Variants in PPP2R5E observed in about 807,000 individuals in gnomAD.
PPP2R5E encodes the protein protein phosphatase 2 regulatory subunit B'epsilon.
Under a neutral mutation model 65.3 loss-of-function variants are expected in PPP2R5E, and 4 were observed. The ratio of observed to expected loss-of-function variants is 0.06; its 90% confidence interval spans 0.03 to 0.14. The LOEUF (loss-of-function observed/expected upper bound fraction) is 0.14, where lower values mean the gene tolerates loss of function less well. Ranked by LOEUF, PPP2R5E falls within the 10% of genes least tolerant of loss-of-function variation. PPP2R5E has a pLI of 1.00. For synonymous variants in PPP2R5E, 183 were observed against 187.4 expected (o/e 0.98, Z 0.19); for missense variants, 274 against 556.1 (o/e 0.49, Z 5.10).
intron 2 of PPP2R5E, among the ~76,000 whole-genome samples, chr14:63,489,469 G>A (rs575203237): frequency 6.6e-6 from 1 of 150,774 alleles, no homozygotes; most frequent in Admixed American, 6.6e-5. Context: ...GAGTGCAGTG[G>A]CCCGATCATG....
intron 10 of PPP2R5E, among the ~76,000 whole-genome samples, chr14:63,390,295 G>A (rs1182435867): frequency 2.1e-5 from 3 of 140,094 alleles, no homozygotes; most frequent in Non-Finnish European, 4.7e-5. Context: ...ACGCATTCTC[G>A]ACACACACAC....
intron 2 of PPP2R5E, among the ~76,000 whole-genome samples, chr14:63,499,420 T>G (rs1891743512): frequency 6.6e-6 from 1 of 152,166 alleles, no homozygotes; most frequent in Non-Finnish European, 1.5e-5. Flanking sequence ...TATTTGGTAG[T>G]ATCTTGTTAT....
chr14:63,413,745 T>C (rs1340340428), intron 5 of PPP2R5E, among the ~76,000 whole-genome samples: 2 of 152,208 alleles, frequency 1.3e-5, no homozygotes, highest in Non-Finnish European at 2.9e-5. Context: ...GGCATAACAA[T>C]CCATACCAAT....
chr14:63,438,234 C>T lies in PPP2R5E; in HGVS notation c.354+15455G>A, dbSNP rs1888036825. Among the ~76,000 whole-genome samples, 3 of 152,208 alleles carry T rather than the reference C, an allele frequency of 2.0e-5. No homozygotes were observed. In the South Asian group the frequency reaches 6.2e-4, roughly 32 times the overall value. On this transcript the variant is annotated intron_variant, in intron 3 of 13. Coordinates refer to ENST00000337537, the MANE Select transcript of PPP2R5E (RefSeq NM_006246.5). ...TCTCAGCTTTTTCCTGCTCATCATG[C>T]ACCACTGTGGTGTAACCAGCTTCCT...
chr14:63,387,972 C>T (rs917451939), intron 11 of PPP2R5E, among the ~76,000 whole-genome samples: 9 of 152,218 alleles, frequency 5.9e-5, no homozygotes, highest in African/African-American at 1.7e-4. Flanking sequence ...TCATCCTGAT[C>T]TCAAACTTCT....
intron 3 of PPP2R5E, 50 bp from the exon 4 acceptor site, chr14:63,422,144 T>G: frequency 1.4e-6 from 2 of 1,476,248 alleles, no homozygotes; most frequent in Non-Finnish European, 9.5e-7. Context: ...TCTGCACAGT[T>G]TTACACAAGG....
At chr14:63,383,128 T>C (rs1212894578) in intron 12 of PPP2R5E, among the ~76,000 whole-genome samples, 8 of 152,188 alleles carry the variant, frequency 5.3e-5, no homozygotes, top group Admixed American at 1.3e-4. Flanking sequence ...TGGTAGCCCA[T>C]ACTTAACAAG....
chr14:63,461,822 A>T (rs1470750411), intron 2 of PPP2R5E, among the ~76,000 whole-genome samples: 1 of 146,660 alleles, frequency 6.8e-6, no homozygotes, highest in African/African-American at 2.7e-5. Flanking sequence ...AATAAAAAGG[A>T]GGGTTAGCAA....
At chr14:63,538,545 G>A (rs905916140) in intron 2 of PPP2R5E, among the ~76,000 whole-genome samples, 11 of 150,434 alleles carry the variant, frequency 7.3e-5, no homozygotes, top group Admixed American at 2.0e-4. Flanking sequence ...GAGCCACCAC[G>A]CCCGGCCTCA....
intron 13 of PPP2R5E, among the ~76,000 whole-genome samples, chr14:63,380,288 A>G (rs1468549369): frequency 6.6e-6 from 1 of 152,192 alleles, no homozygotes; most frequent in East Asian, 1.9e-4. Context: ...TTTAAGTAAC[A>G]TCCTTTAAAG....
chr14:63,502,087 G>A (rs2139670908), intron 2 of PPP2R5E, among the ~76,000 whole-genome samples: 1 of 152,218 alleles, frequency 6.6e-6, no homozygotes, highest in South Asian at 2.1e-4. Flanking sequence ...TTGAGATGCG[G>A]TTTCACCATG....
At chr14:63,514,500 TAAAAAA>T (rs897859387) in intron 2 of PPP2R5E, among the ~76,000 whole-genome samples, 38 of 144,464 alleles carry the variant, frequency 2.6e-4, no homozygotes, top group Non-Finnish European at 2.0e-4. Context: ...CTCTCTTCAT[TAAAAAA>T]AAAAGAGAGA....
At chr14:63,458,537 T>C (rs1272704496) in intron 2 of PPP2R5E, among the ~76,000 whole-genome samples, 1 of 152,206 alleles carries the variant, frequency 6.6e-6, no homozygotes, top group African/African-American at 2.4e-5. Flanking sequence ...TTTGCAAATA[T>C]GCCAGCCAAG....
chr14:63,443,550 C>T (rs1433158155), intron 3 of PPP2R5E, among the ~76,000 whole-genome samples: 1 of 152,190 alleles, frequency 6.6e-6, no homozygotes, highest in Non-Finnish European at 1.5e-5. Context: ...TAGCTCCCAC[C>T]TGTACCACTG....
At chr14:63,410,635 G>C (rs566814587) in intron 5 of PPP2R5E, among the ~76,000 whole-genome samples, 1 of 152,154 alleles carries the variant, frequency 6.6e-6, no homozygotes, top group South Asian at 2.1e-4. Flanking sequence ...CACCGGGAGC[G>C]AAGGTAAGTC....
intron 3 of PPP2R5E, among the ~76,000 whole-genome samples, chr14:63,450,904 T>G (rs914774819): frequency 6.6e-6 from 1 of 152,086 alleles, no homozygotes; most frequent in Non-Finnish European, 1.5e-5. Context: ...AGTCAGCCCT[T>G]GAAGGGAAAA....
intron 2 of PPP2R5E, among the ~76,000 whole-genome samples, chr14:63,466,285 AAC>A (rs1320380485): frequency 2.0e-5 from 3 of 151,320 alleles, no homozygotes; most frequent in Non-Finnish European, 1.5e-5. Context: ...AAAAAAAAAA[AAC>A]AACAACAAGA....
intron 2 of PPP2R5E, among the ~76,000 whole-genome samples, chr14:63,487,465 C>T (rs1314789027): frequency 2.6e-5 from 4 of 152,046 alleles, no homozygotes; most frequent in African/African-American, 9.7e-5. Flanking sequence ...AGAGGAGAAG[C>T]TTGAGAATGG....
At chr14:63,439,289 C>A (rs1888087379) in intron 3 of PPP2R5E, among the ~76,000 whole-genome samples, 5 of 151,570 alleles carry the variant, frequency 3.3e-5, no homozygotes. Flanking sequence ...TAATAACAAG[C>A]TTAGAGGGAT....
Sources: gnomAD v4.1 joint callset for allele counts (sites outside exome capture counted in the v4.1 genomes callset) on GRCh38, gnomAD v4.1.1 for gene constraint, MANE v1.5 for transcripts, NCBI Gene and HGNC (gene_info 2026-07-23, HGNC 2026-07-21) for gene names.